LRRFIP1: variants seen among roughly 807,000 people sequenced by gnomAD.
LRRFIP1 encodes the protein leucine-rich repeat flightless-interacting protein 1.
In LRRFIP1, 62 loss-of-function variants were observed where a neutral mutation model predicts 104.4. That is an observed-to-expected ratio of 0.59 (90% CI 0.48 to 0.73). The LOEUF is 0.73. LRRFIP1 is among the 30% of genes least tolerant of loss of function. The pLI, the probability that LRRFIP1 is intolerant of heterozygous loss-of-function variation, is 0.00. For missense variants in LRRFIP1, 796 were observed against 824.5 expected, an observed-to-expected ratio of 0.97 and a Z score of 0.42; for synonymous variants, 300 against 299.0, an observed-to-expected ratio of 1.00 and a Z score of -0.03.
At chr2:237,644,291 G>A (rs2084517649) in intron 1 of LRRFIP1, among the ~76,000 whole-genome samples, 1 of 152,236 alleles carries the variant, frequency 6.6e-6, no homozygotes, top group Non-Finnish European at 1.5e-5. Context: ...CATGCCCAGG[G>A]GCTGAAGTCA....
intron 19 of LRRFIP1, among the ~76,000 whole-genome samples, chr2:237,762,445 C>T (rs1056944375): frequency 1.3e-5 from 2 of 152,188 alleles, no homozygotes; most frequent in East Asian, 1.9e-4. Context: ...GCTGCTTTGC[C>T]GCACAGAACT....
At chr2:237,764,740 A>C (rs1251383596) in intron 19 of LRRFIP1, 1 of 986,428 alleles carries the variant, frequency 1.0e-6, no homozygotes, top group Non-Finnish European at 1.2e-6. Context: ...GTCTGAAAGC[A>C]TGAGGGGCTT....
chr2:237,741,719 T>G (rs1268513013), intron 11 of LRRFIP1, among the ~76,000 whole-genome samples: 4 of 151,908 alleles, frequency 2.6e-5, no homozygotes, highest in Non-Finnish European at 5.9e-5. Flanking sequence ...TCCCAGCTAC[T>G]TGGGAGGCTG....
chr2:237,714,662 C>T (rs893797379), intron 3 of LRRFIP1, among the ~76,000 whole-genome samples: 4 of 152,160 alleles, frequency 2.6e-5, no homozygotes, highest in Admixed American at 2.6e-4. Flanking sequence ...ATACAAATTA[C>T]CACACATTGA....
At chr2:237,752,688 A>G (rs528048393) in intron 14 of LRRFIP1, among the ~76,000 whole-genome samples, 1 of 152,274 alleles carries the variant, frequency 6.6e-6, no homozygotes, top group Admixed American at 6.5e-5. Flanking sequence ...CGCCATGCGT[A>G]TTTTACAGGC....
rs1013641461 is a variant in LRRFIP1 at position 237,684,568 on chromosome 2, A to C, written c.97-23976A>C. On this transcript the variant is annotated intron_variant, in intron 1 of 23. Coordinates refer to ENST00000308482, the MANE Select transcript of LRRFIP1 (RefSeq NM_001137550.2). The stretch of plus-strand genomic sequence containing the variant: ...GGGTATACTGTTAGCTGGTGAATGC[A>C]GTTGTTGAGGATGAAGCTTATTTCC... The C allele has an allele frequency of 2.6e-5, 4 of 152,218 alleles. No homozygotes were observed. The East Asian group carries it at 7.7e-4, about 29-fold the overall frequency. The allele number at this position is 152,218 out of a possible 1,614,324, so 9.4% of individuals were successfully genotyped here. A position where few individuals can be genotyped will look rare whatever the true frequency, so the allele number is the denominator to read the frequency against.
rs2061423317 is a variant in LRRFIP1 at position 237,781,308 on chromosome 2, C to T, written c.*1776C>T. Among the ~76,000 whole-genome samples the T allele has an allele frequency of 6.6e-6, 1 of 152,228 alleles. No homozygotes were observed. Among genetic ancestry groups the T allele is most frequent in the Non-Finnish European group, 1.5e-5 (1 of 68,040 alleles). ...CTCATGCAATTTTCACATATTTTCA[C>T]TCATTTCATTTGCACGGAAATTCTA... On this transcript the variant is annotated 3_prime_UTR_variant, in exon 24 of 24. Coordinates refer to ENST00000308482, the MANE Select transcript of LRRFIP1 (RefSeq NM_001137550.2).
chr2:237,665,979 C>T (rs1409931108), intron 1 of LRRFIP1, among the ~76,000 whole-genome samples: 2 of 152,258 alleles, frequency 1.3e-5, no homozygotes, highest in East Asian at 3.8e-4. Context: ...CCCAGGAGCT[C>T]ACGGCCTTCC....
At position 237,781,566 on chromosome 2, in the gene LRRFIP1, A is replaced by G. The variant is rs2061425732; in HGVS notation, c.*2034A>G. ...TGGAAACAGCAAACCAATGTTACACACACTTCCTAATCCAGAGGAAGCTAG... is the reference window on the plus strand; with the variant it reads ...TGGAAACAGCAAACCAATGTTACACGCACTTCCTAATCCAGAGGAAGCTAG... On this transcript the variant is annotated 3_prime_UTR_variant, in exon 24 of 24. Transcript: ENST00000308482. 6.6e-6 allele frequency among the ~76,000 whole-genome samples: 1 copy of G among 152,254 alleles called. No individual in the cohort carries two copies. Among genetic ancestry groups the G allele is most frequent in the Non-Finnish European group, 1.5e-5 (1 of 68,044 alleles).
chr2:237,754,778 G>C (rs991616780), intron 15 of LRRFIP1, among the ~76,000 whole-genome samples: 2 of 152,256 alleles, frequency 1.3e-5, no homozygotes, highest in Non-Finnish European at 2.9e-5. Flanking sequence ...CGGAGGAGTG[G>C]AGAGCACAGC....
chr2:237,735,349 T>C lies in LRRFIP1; in HGVS notation c.555+16T>C, dbSNP rs372005021. 1.2e-5 allele frequency: 20 copies of C among 1,611,122 alleles called. No homozygotes were observed. Among genetic ancestry groups the C allele is most frequent in the Middle Eastern group, 1.7e-4 (1 of 6,054 alleles). ...CTCCCGTGCTGTAAGGCGCTTTCGGTGATACCTCCTTTCCCCCGTGCCTGC... is the reference window on the plus strand; with the variant it reads ...CTCCCGTGCTGTAAGGCGCTTTCGGCGATACCTCCTTTCCCCCGTGCCTGC... On this transcript the variant is annotated intron_variant, in intron 10 of 23. Transcript: ENST00000308482. This position sits in a 1 kb window ranked among gnomAD's most constrained non-coding sequence, Gnocchi z 4.6.
At chr2:237,632,093 G>A (rs1270322995) in intron 1 of LRRFIP1, among the ~76,000 whole-genome samples, 2 of 140,286 alleles carry the variant, frequency 1.4e-5, no homozygotes, top group Non-Finnish European at 3.1e-5. Flanking sequence ...CTTGAGCCAC[G>A]GCCACACAGG....
rs201084665 is a variant in LRRFIP1, at chr2:237,753,464, C to T, written c.1023C>T (p.Tyr341=). 1.1e-4 allele frequency: 174 copies of T among 1,586,668 alleles called. 2 individuals carry two copies. The highest frequency in any genetic ancestry group is 5.0e-4 in the Middle Eastern group (3 of 5,946). ...AGCTGGCTGAATCTAGGCGGCAGTA[C>T]GAAGAGAAAAACAAAGTAAGCATTA... ...EEQLAESRRQ[Y]EEKNKEFERE... is the part of the protein sequence containing the mutation. Residue 341 remains tyrosine (Y), a synonymous_variant, in exon 15 of 24, where the codon TAC becomes TAT. Coordinates refer to ENST00000308482, the MANE Select transcript of LRRFIP1 (RefSeq NM_001137550.2).
chr2:237,769,889 T>A, intron 19 of LRRFIP1, 54 bp from the exon 20 acceptor site: 1 of 1,345,700 alleles, frequency 7.4e-7, no homozygotes, highest in Non-Finnish European at 1.0e-6. Context: ...AGCAATGTGC[T>A]GAAAGGCGCG....
At chr2:237,745,167 C>T (rs951415660) in intron 11 of LRRFIP1, among the ~76,000 whole-genome samples, 12 of 152,226 alleles carry the variant, frequency 7.9e-5, no homozygotes, top group East Asian at 1.9e-4. Flanking sequence ...TGTCCGGGCC[C>T]GGCCCCTGCA....
rs528525874 is a variant in LRRFIP1 at position 237,764,288 on chromosome 2, C to A, written c.1459+4083C>A. The A allele has an allele frequency of 5.8e-6, 9 of 1,551,378 alleles. No homozygotes were observed. The East Asian group carries it at 2.1e-4, about 35-fold the overall frequency. On this transcript the variant is annotated intron_variant, in intron 19 of 23. Transcript: ENST00000308482. ...GTGCTCTACTGCTTTAAGTTATAGA[C>A]TGTTACTTGTAGATTTCCATGTAAT...
Position 237,717,601 on chromosome 2 carries a change from T to A in LRRFIP1, c.202-161T>A, listed in dbSNP as rs1183351994. Among the ~76,000 whole-genome samples, 6 of 152,234 alleles carry A rather than the reference T, an allele frequency of 3.9e-5. No individual in the cohort carries two copies. Among genetic ancestry groups the A allele is most frequent in the African/African-American group, 1.4e-4 (6 of 41,468 alleles). On this transcript the variant is annotated intron_variant, in intron 3 of 23. Coordinates refer to ENST00000308482, the MANE Select transcript of LRRFIP1 (RefSeq NM_001137550.2). This position sits in a 1 kb window ranked among gnomAD's most constrained non-coding sequence, Gnocchi z 4.2. ...ATGACTGCACGGGTGGCGGTCCCTG[T>A]GGAGAAGCCAGGCCTGGTGCCGACT...
At chr2:237,704,135 A>T (rs2093684265) in intron 1 of LRRFIP1, among the ~76,000 whole-genome samples, 1 of 147,762 alleles carries the variant, frequency 6.8e-6, no homozygotes, top group Non-Finnish European at 1.5e-5. Flanking sequence ...AATTTTGTCG[A>T]AACTCTGCAG....
At chr2:237,719,653 C>A in intron 5 of LRRFIP1, 86 bp downstream of exon 5, 3 of 865,526 alleles carry the variant, frequency 3.5e-6, no homozygotes, top group East Asian at 2.6e-5. Flanking sequence ...ATAATATATT[C>A]AATCTCTTAA....
Sources: allele counts gnomAD v4.1 joint callset (sites outside exome capture counted in the v4.1 genomes callset), GRCh38; gene constraint gnomAD v4.1.1; non-coding constraint Gnocchi (gnomAD v3.1); transcripts MANE v1.5; gene names NCBI Gene and HGNC (gene_info 2026-07-23, HGNC 2026-07-21).